Variants in FAM222A observed in about 807,000 individuals in gnomAD.
FAM222A encodes the protein family with sequence similarity 222 member A.
In FAM222A, 7 loss-of-function variants were observed where a neutral mutation model predicts 25.8. That is an observed-to-expected ratio of 0.27 (90% CI 0.15 to 0.51). The LOEUF (loss-of-function observed/expected upper bound fraction) is 0.51, where lower values mean the gene tolerates loss of function less well. FAM222A is among the 20% of genes least tolerant of loss of function. FAM222A has a pLI of 0.97. For synonymous variants in FAM222A, 294 were observed against 298.8 expected (o/e 0.98, Z 0.17); for missense variants, 573 against 640.5 (o/e 0.89, Z 1.14).
chr12:109,740,892 C>T (rs1888222910), intron 1 of FAM222A, among the ~76,000 whole-genome samples: 1 of 152,144 alleles, frequency 6.6e-6, no homozygotes, highest in Non-Finnish European at 1.5e-5. Context: ...AAGGGTGAGC[C>T]AGGGTCTGAA....
intron 1 of FAM222A, among the ~76,000 whole-genome samples, chr12:109,721,297 G>A (rs1277817822): frequency 5.3e-5 from 8 of 152,162 alleles, no homozygotes; most frequent in South Asian, 2.1e-4. Context: ...CCGAGGGGAC[G>A]CTGTTCTGGG....
intron 2 of FAM222A, among the ~76,000 whole-genome samples, chr12:109,755,134 T>C (rs1323908920): frequency 6.6e-6 from 1 of 152,198 alleles, no homozygotes; most frequent in Non-Finnish European, 1.5e-5. Context: ...ACAAAAGTTT[T>C]GAATTTTGGT....
intron 1 of FAM222A, among the ~76,000 whole-genome samples, chr12:109,729,842 C>T (rs1887911722): frequency 6.7e-6 from 1 of 149,990 alleles, no homozygotes; most frequent in Non-Finnish European, 1.5e-5. Context: ...TAAACACATA[C>T]AATTCATTGT....
At chr12:109,739,213 T>C (rs1242716298) in intron 1 of FAM222A, among the ~76,000 whole-genome samples, 1 of 152,224 alleles carries the variant, frequency 6.6e-6, no homozygotes, top group Non-Finnish European at 1.5e-5. Flanking sequence ...TATTCTGCCT[T>C]GGGGTCAACC....
At chr12:109,719,169 C>T (rs1477966127) in intron 1 of FAM222A, among the ~76,000 whole-genome samples, 5 of 152,212 alleles carry the variant, frequency 3.3e-5, no homozygotes, top group African/African-American at 2.4e-5. Flanking sequence ...TGTAATCATG[C>T]CTGGATACAG....
chr12:109,744,354 C>G, intron 2 of FAM222A, 126 bp downstream of exon 2: 1 of 1,433,114 alleles, frequency 7.0e-7, no homozygotes, highest in Non-Finnish European at 9.2e-7. Flanking sequence ...GCCCCCAGGC[C>G]TTGGCCCCGG....
chr12:109,716,587 G>A (rs1285830756), intron 1 of FAM222A, among the ~76,000 whole-genome samples: 1 of 152,208 alleles, frequency 6.6e-6, no homozygotes, highest in Non-Finnish European at 1.5e-5. Context: ...ACAGCAGATT[G>A]GGGGAGAGCC....
intron 2 of FAM222A, among the ~76,000 whole-genome samples, chr12:109,752,604 G>C (rs970397120): frequency 3.9e-5 from 6 of 152,000 alleles, no homozygotes; most frequent in Non-Finnish European, 7.4e-5. Flanking sequence ...TTGGATGAGT[G>C]GTTCAGCCTT....
intron 2 of FAM222A, among the ~76,000 whole-genome samples, chr12:109,757,606 G>C (rs760251585): frequency 6.6e-6 from 1 of 152,154 alleles, no homozygotes; most frequent in Non-Finnish European, 1.5e-5. Flanking sequence ...ATAATCCCCA[G>C]GATAGAAAGG....
At chr12:109,725,811 C>T (rs1005502785) in intron 1 of FAM222A, among the ~76,000 whole-genome samples, 6 of 152,020 alleles carry the variant, frequency 3.9e-5, no homozygotes, top group African/African-American at 7.2e-5. Context: ...CTGTCTGTTT[C>T]GTCTCATTTG....
rs1347691799 is a variant in FAM222A, at chr12:109,714,430, G to T, written c.-514G>T. 2 of 152,306 alleles carry T rather than the reference G, an allele frequency of 1.3e-5. No individual in the cohort carries two copies. The highest frequency in any genetic ancestry group is 2.9e-5 in the Non-Finnish European group (2 of 68,164). The allele number at this position is 152,306 out of a possible 1,614,324, so 9.4% of individuals were successfully genotyped here. Reference sequence around the variant, plus strand: ...GCGAACCCGGGGGCTGCAAGCCGCGGGCGGGCGGGCGAGCGAGAGGAAGCA... The same window carrying T: ...GCGAACCCGGGGGCTGCAAGCCGCGTGCGGGCGGGCGAGCGAGAGGAAGCA... On this transcript the variant is annotated 5_prime_UTR_variant, in exon 1 of 3. Transcript: ENST00000538780. This position sits in a 1 kb window ranked among gnomAD's most constrained non-coding sequence, Gnocchi z 4.2.
At chr12:109,754,597 T>G (rs1346619667) in intron 2 of FAM222A, among the ~76,000 whole-genome samples, 1 of 152,072 alleles carries the variant, frequency 6.6e-6, no homozygotes, top group Non-Finnish European at 1.5e-5. Context: ...GTAGCTGTGT[T>G]CCAATAAGAC....
At chr12:109,744,019 C>T in intron 1 of FAM222A, 82 bp from the exon 2 acceptor site, 2 of 1,443,006 alleles carry the variant, frequency 1.4e-6, no homozygotes, top group Non-Finnish European at 1.8e-6. Flanking sequence ...TTCGGGGTTG[C>T]AGGGAGACTC....
chr12:109,720,677 T>C (rs1887730379), intron 1 of FAM222A, among the ~76,000 whole-genome samples: 1 of 152,240 alleles, frequency 6.6e-6, no homozygotes, highest in African/African-American at 2.4e-5. Flanking sequence ...GCTTCCCTGC[T>C]CCAGGCCAGG....
At chr12:109,730,188 C>G (rs1485467215) in intron 1 of FAM222A, among the ~76,000 whole-genome samples, 1 of 152,168 alleles carries the variant, frequency 6.6e-6, no homozygotes. Context: ...CCCTACAGGC[C>G]GAGGGGCTGT....
At chr12:109,756,885 CT>C (rs1180189924) in intron 2 of FAM222A, among the ~76,000 whole-genome samples, 3 of 152,002 alleles carry the variant, frequency 2.0e-5, no homozygotes, top group African/African-American at 7.2e-5. Context: ...AGTGTTCTCT[CT>C]TTTTTTTATG....
chr12:109,723,554 C>CCAT (rs60507428), intron 1 of FAM222A, among the ~76,000 whole-genome samples: 24,018 of 152,040 alleles, frequency 0.16, 4,022 homozygotes, highest in East Asian at 0.43. Flanking sequence ...TCCTTTCTCT[C>CCAT]CATCATTAGA....
At chr12:109,720,860 G>A (rs1047328964) in intron 1 of FAM222A, among the ~76,000 whole-genome samples, 3 of 152,208 alleles carry the variant, frequency 2.0e-5, no homozygotes, top group African/African-American at 7.2e-5. Context: ...TGTGCCAGGG[G>A]CAGGGGGGCA....
rs527459166 is a variant in FAM222A at position 109,739,939 on chromosome 12, G to C, written c.-46-4162G>C. On this transcript the variant is annotated intron_variant, in intron 1 of 2. Transcript: ENST00000538780. ...GGGCAGTCAATACATGCTCACCACCGTTAAGAGCCCAAATTGCATGTTGCT... is the reference window on the plus strand; with the variant it reads ...GGGCAGTCAATACATGCTCACCACCCTTAAGAGCCCAAATTGCATGTTGCT... 2.6e-5 allele frequency among the ~76,000 whole-genome samples: 4 copies of C among 152,306 alleles called. No homozygotes were observed. The South Asian group carries it at 8.3e-4, about 32-fold the overall frequency.
Sources: gnomAD v4.1 joint callset for allele counts (sites outside exome capture counted in the v4.1 genomes callset) on GRCh38, gnomAD v4.1.1 for gene constraint, Gnocchi (gnomAD v3.1) non-coding constraint, MANE v1.5 for transcripts, NCBI Gene and HGNC (gene_info 2026-07-23, HGNC 2026-07-21) for gene names.